PTPN9: variants seen among roughly 807,000 people sequenced by gnomAD.
PTPN9 encodes tyrosine-protein phosphatase non-receptor type 9.
Under a neutral mutation model 69.8 loss-of-function variants are expected in PTPN9, and 26 were observed. The ratio of observed to expected loss-of-function variants is 0.37; its 90% CI spans 0.27 to 0.52. PTPN9 has a LOEUF of 0.52. PTPN9 is among the 20% of genes least tolerant of loss of function. The pLI is 0.91. For synonymous variants in PTPN9, 274 were observed against 272.5 expected (o/e 1.01, Z -0.05); for missense variants, 549 against 740.3 (o/e 0.74, Z 3.00).
intron 1 of PTPN9, among the ~76,000 whole-genome samples, chr15:75,536,047 C>T (rs544539525): frequency 1.2e-4 from 18 of 152,256 alleles, no homozygotes; most frequent in African/African-American, 4.3e-4. Flanking sequence ...TAGGCTCTTA[C>T]TGCATTTGGG....
At chr15:75,529,885 G>A (rs2074946945) in intron 1 of PTPN9, among the ~76,000 whole-genome samples, 1 of 151,768 alleles carries the variant, frequency 6.6e-6, no homozygotes, top group Non-Finnish European at 1.5e-5. Context: ...ACTCCAGCCT[G>A]GGTGACAGAG....
intron 5 of PTPN9, among the ~76,000 whole-genome samples, chr15:75,516,734 T>G (rs1451749958): frequency 1.4e-5 from 2 of 144,214 alleles, no homozygotes; most frequent in Non-Finnish European, 3.0e-5. Flanking sequence ...CTCAGAATGT[T>G]CCTGTGCTTT....
intron 9 of PTPN9, among the ~76,000 whole-genome samples, chr15:75,475,557 C>T (rs1293780291): frequency 1.3e-5 from 2 of 151,918 alleles, no homozygotes; most frequent in Non-Finnish European, 2.9e-5. Context: ...CATTGAACTC[C>T]GGCCTGGGCG....
intron 7 of PTPN9, among the ~76,000 whole-genome samples, chr15:75,503,168 C>T (rs1457479095): frequency 6.7e-6 from 1 of 149,302 alleles, no homozygotes; most frequent in African/African-American, 2.5e-5. Context: ...TCTGCCCGGC[C>T]GCCATCCCAT....
At chr15:75,485,591 T>G (rs1300664961) in intron 8 of PTPN9, among the ~76,000 whole-genome samples, 1 of 148,812 alleles carries the variant, frequency 6.7e-6, no homozygotes, top group Non-Finnish European at 1.5e-5. Context: ...AGGATGGTCT[T>G]GATCTCCTGA....
At chr15:75,537,743 GACTC>G (rs1160225684) in intron 1 of PTPN9, among the ~76,000 whole-genome samples, 5 of 36,084 alleles carry the variant, frequency 1.4e-4, no homozygotes, top group Non-Finnish European at 2.4e-4. Flanking sequence ...AACAGAGGGA[GACTC>G]CATCTCAAAA....
intron 7 of PTPN9, among the ~76,000 whole-genome samples, chr15:75,505,018 A>AG (rs1052147129): frequency 9.9e-5 from 15 of 152,132 alleles, no homozygotes; most frequent in Non-Finnish European, 1.8e-4. Context: ...TGGAATAGAA[A>AG]GGGGGGAAAG....
rs189171398 is a variant in PTPN9 at position 75,528,565 on chromosome 15, G to C, written c.64-1304C>G. On this transcript the variant is annotated intron_variant, in intron 1 of 12. Coordinates refer to ENST00000618819, the MANE Select transcript of PTPN9 (RefSeq NM_002833.4). Reference sequence around the variant, plus strand: ...ATCACACCCAGTAATTTTTTTCTTTGTTATTTTTAGTAGAGACAAGGTCTC... The same window carrying C: ...ATCACACCCAGTAATTTTTTTCTTTCTTATTTTTAGTAGAGACAAGGTCTC... 5.9e-5 allele frequency among the ~76,000 whole-genome samples: 9 copies of C among 151,474 alleles called. No homozygotes were observed. The East Asian group carries it at 1.8e-3, about 30-fold the overall frequency.
chr15:75,471,399 C>G (rs375466902), intron 10 of PTPN9, among the ~76,000 whole-genome samples: 17 of 152,180 alleles, frequency 1.1e-4, no homozygotes, highest in African/African-American at 4.1e-4. Flanking sequence ...GTGTAAAAGC[C>G]TGAAGTCCCA....
At chr15:75,523,308 A>G (rs1413681793) in intron 3 of PTPN9, 63 bp from the exon 4 acceptor site, 2 of 1,543,660 alleles carry the variant, frequency 1.3e-6, no homozygotes, top group Non-Finnish European at 1.8e-6. Context: ...AATTACTAAG[A>G]CTTATATACT....
At position 75,469,774 on chromosome 15, in the gene PTPN9, C is replaced by CTGCATTAGG. The variant is rs777327425; in HGVS notation, c.1567+9_1567+17dup. Reference sequence around the variant, plus strand: ...CTACTGCCCCTGCAGACACCAAGAGCTGCATTAGGTGCGTTACCTGTCCTG... The same window carrying CTGCATTAGG: ...CTACTGCCCCTGCAGACACCAAGAGCTGCATTAGGTGCATTAGGTGCGTTACCTGTCCTG... On this transcript the variant is annotated intron_variant, in intron 12 of 12. Transcript: ENST00000618819. 6.2e-7 allele frequency: 1 copy of CTGCATTAGG among 1,609,778 alleles called. No homozygotes were observed. Among genetic ancestry groups the CTGCATTAGG allele is most frequent in the Non-Finnish European group, 8.5e-7 (1 of 1,177,880 alleles).
At chr15:75,496,947 G>C (rs11632373) in intron 7 of PTPN9, among the ~76,000 whole-genome samples, 3 of 152,040 alleles carry the variant, frequency 2.0e-5, no homozygotes, top group African/African-American at 7.2e-5. Context: ...GTCTTCTTTA[G>C]AACTGTTTGG....
intron 4 of PTPN9, among the ~76,000 whole-genome samples, chr15:75,522,073 C>T (rs1205620753): frequency 2.0e-5 from 3 of 152,134 alleles, no homozygotes; most frequent in Non-Finnish European, 4.4e-5. Context: ...CTGTAAATTA[C>T]AAGCACCAGG....
Position 75,468,001 on chromosome 15 carries a change from G to C in PTPN9, c.*768C>G, listed in dbSNP as rs545300994. ...GGCCCTGTGGCAGGAACATGGAGGA[G>C]ATGTGTGTGTGTCCTCTTCCACCAC... On this transcript the variant is annotated 3_prime_UTR_variant, in exon 13 of 13. Coordinates refer to ENST00000618819, the MANE Select transcript of PTPN9 (RefSeq NM_002833.4). 6.5e-6 allele frequency: 1 copy of C among 152,720 alleles called. No individual in the cohort carries two copies. The highest frequency in any genetic ancestry group is 1.9e-4 in the East Asian group (1 of 5,184). The allele number at this position is 152,720 out of a possible 1,614,324, so 9.5% of individuals were successfully genotyped here.
intron 8 of PTPN9, among the ~76,000 whole-genome samples, chr15:75,487,980 C>T (rs1595950148): frequency 1.3e-5 from 2 of 152,204 alleles, no homozygotes; most frequent in East Asian, 3.8e-4. Flanking sequence ...TAAAGAGGCA[C>T]TATTTAAATT....
intron 1 of PTPN9, among the ~76,000 whole-genome samples, chr15:75,562,213 C>A (rs2075106863): frequency 6.6e-6 from 1 of 152,104 alleles, no homozygotes; most frequent in Admixed American, 6.6e-5. Flanking sequence ...CAGCCAGAGG[C>A]TTATATGAAC....
intron 8 of PTPN9, among the ~76,000 whole-genome samples, chr15:75,489,895 T>C (rs893469397): frequency 6.6e-6 from 1 of 152,178 alleles, no homozygotes; most frequent in Non-Finnish European, 1.5e-5. Context: ...AATTGCACTA[T>C]ATGACCATGA....
rs1198265992 is a variant in PTPN9 at position 75,530,482 on chromosome 15, ATATATTATAATATAT to A, written c.64-3236_64-3222del. Among the ~76,000 whole-genome samples the A allele has an allele frequency of 2.2e-4, 20 of 92,858 alleles. No individual in the cohort carries two copies. In the East Asian group the frequency reaches 3.4e-3, roughly 16 times the overall value. 60.9% of individuals were successfully genotyped at this position (92,858 alleles called of 152,430 possible). ...AAATATATATTATAATAATAAAAAT[ATATATTATAATATAT>A]TATATTATAATATATTATAATATAA... On this transcript the variant is annotated intron_variant, in intron 1 of 12. Transcript: ENST00000618819.
At chr15:75,573,916 G>A (rs529479249) in intron 1 of PTPN9, among the ~76,000 whole-genome samples, 5 of 152,298 alleles carry the variant, frequency 3.3e-5, no homozygotes, top group African/African-American at 1.2e-4. Flanking sequence ...CCAAGGAGGT[G>A]AAACCTGAGA....
Sources: allele counts gnomAD v4.1 joint callset (sites outside exome capture counted in the v4.1 genomes callset), GRCh38; gene constraint gnomAD v4.1.1; transcripts MANE v1.5; gene names NCBI Gene and HGNC (gene_info 2026-07-23, HGNC 2026-07-21).